The following ZDHHC3 variants were observed in gnomAD, a reference collection of about 807,000 sequenced individuals.
ZDHHC3 encodes the protein palmitoyltransferase ZDHHC3.
ZDHHC3 carries 9 observed loss-of-function variants against 30.6 expected under a neutral mutation model. That is an observed-to-expected ratio of 0.29 (90% CI 0.18 to 0.51). ZDHHC3 has a LOEUF of 0.51. Ranked by LOEUF, ZDHHC3 falls within the 20% of genes least tolerant of loss-of-function variation. The probability of loss-of-function intolerance (pLI) is 0.97; values close to 1 mark genes in which losing one functional copy is unlikely to be tolerated. For synonymous variants in ZDHHC3, 136 were observed against 140.2 expected (o/e 0.97, Z 0.21); for missense variants, 246 against 384.2 (o/e 0.64, Z 3.01).
rs1046062916 is a variant in ZDHHC3 at position 44,926,421 on chromosome 3, C to T, written c.*268G>A. 4 of 1,185,696 alleles carry T rather than the reference C, an allele frequency of 3.4e-6. No homozygotes were observed. Among genetic ancestry groups the T allele is most frequent in the Non-Finnish European group, 4.2e-6 (4 of 958,226 alleles). The allele number at this position is 1,185,696 out of a possible 1,614,324, so 73.4% of individuals were successfully genotyped here. ...TACATTAGTCATGCCAGACAGACAG[C>T]AGAGAGAAACCAGAGGCCAGAGAAG... On this transcript the variant is annotated 3_prime_UTR_variant, in exon 7 of 7. Coordinates refer to ENST00000424952, the MANE Select transcript of ZDHHC3 (RefSeq NM_001135179.2).
intron 2 of ZDHHC3, 36 bp from the exon 3 acceptor site, chr3:44,945,328 G>C: frequency 4.3e-6 from 7 of 1,613,798 alleles, no homozygotes; most frequent in Non-Finnish European, 5.9e-6. Context: ...GGTTGGGCTG[G>C]GGGTTCTATC....
Position 44,921,044 on chromosome 3 carries a change from C to T in ZDHHC3, c.*5645G>A. 1 of 985,438 alleles carries T rather than the reference C, an allele frequency of 1.0e-6. No homozygotes were observed. Among genetic ancestry groups the T allele is most frequent in the Non-Finnish European group, 1.2e-6 (1 of 829,942 alleles). The allele number at this position is 985,438 out of a possible 1,614,324, so 61.0% of individuals were successfully genotyped here. A position where few individuals can be genotyped will look rare whatever the true frequency, so the allele number is the denominator to read the frequency against. On this transcript the variant is annotated 3_prime_UTR_variant, in exon 7 of 7. Coordinates refer to ENST00000424952, the MANE Select transcript of ZDHHC3 (RefSeq NM_001135179.2). ...TGCAGAGGAGCAGTAATAGTAGCTTCAGGCTCAAGAGAACGAACAAAAATG... is the reference window on the plus strand; with the variant it reads ...TGCAGAGGAGCAGTAATAGTAGCTTTAGGCTCAAGAGAACGAACAAAAATG...
intron 2 of ZDHHC3, among the ~76,000 whole-genome samples, chr3:44,952,443 C>A (rs1396558118): frequency 6.6e-6 from 1 of 152,212 alleles, no homozygotes; most frequent in Non-Finnish European, 1.5e-5. Flanking sequence ...TTTCTCCCAA[C>A]TAATTTCCAG....
rs1700167358 is a variant in ZDHHC3, at chr3:44,916,397, C to T, written c.*10292G>A. ...TTTTCTTTCTCACGGTCGCCAGTTTCCTTTCTCAGCATCCTGAGGCTGCAC... is the reference window on the plus strand; with the variant it reads ...TTTTCTTTCTCACGGTCGCCAGTTTTCTTTCTCAGCATCCTGAGGCTGCAC... On this transcript the variant is annotated 3_prime_UTR_variant, in exon 7 of 7. Coordinates refer to ENST00000424952, the MANE Select transcript of ZDHHC3 (RefSeq NM_001135179.2). 6.6e-6 allele frequency: 1 copy of T among 152,278 alleles called. No individual in the cohort carries two copies. The highest frequency in any genetic ancestry group is 6.5e-5 in the Admixed American group (1 of 15,286). The allele number at this position is 152,278 out of a possible 1,614,324, so 9.4% of individuals were successfully genotyped here. A position where few individuals can be genotyped will look rare whatever the true frequency, so the allele number is the denominator to read the frequency against.
intron 2 of ZDHHC3, among the ~76,000 whole-genome samples, chr3:44,954,144 T>C (rs74521734): frequency 0.034 from 5,126 of 152,108 alleles, 246 homozygotes; most frequent in African/African-American, 0.11. Flanking sequence ...CCGGTAGTGG[T>C]CTGAGATAGT....
intron 2 of ZDHHC3, 134 bp from the exon 3 acceptor site, chr3:44,945,426 T>C: frequency 7.8e-7 from 1 of 1,288,888 alleles, no homozygotes; most frequent in Non-Finnish European, 1.1e-6. Context: ...CAACAACATG[T>C]GGACTCTGTG....
At chr3:44,941,636 T>G (rs1480319203) in intron 3 of ZDHHC3, among the ~76,000 whole-genome samples, 1 of 151,798 alleles carries the variant, frequency 6.6e-6, no homozygotes, top group Admixed American at 6.6e-5. Context: ...GGTCTCTCCC[T>G]CCTCATGCAG....
At chr3:44,931,795 T>C (rs1260751260) in intron 5 of ZDHHC3, among the ~76,000 whole-genome samples, 2 of 152,222 alleles carry the variant, frequency 1.3e-5, no homozygotes, top group South Asian at 2.1e-4. Flanking sequence ...ACCCTCTTGT[T>C]AGCTGAGTGA....
intron 2 of ZDHHC3, among the ~76,000 whole-genome samples, chr3:44,952,111 C>G (rs1021719525): frequency 6.6e-6 from 1 of 152,210 alleles, no homozygotes; most frequent in Non-Finnish European, 1.5e-5. Context: ...GCACTGTGCA[C>G]AGCTAAAACG....
At chr3:44,935,603 C>T (rs1445074360) in intron 3 of ZDHHC3, among the ~76,000 whole-genome samples, 1 of 152,192 alleles carries the variant, frequency 6.6e-6, no homozygotes, top group Non-Finnish European at 1.5e-5. Flanking sequence ...GGGCTCTAGA[C>T]TGATGCCAAG....
Position 44,922,456 on chromosome 3 carries a change from C to G in ZDHHC3, c.*4233G>C. 2 of 985,424 alleles carry G rather than the reference C, an allele frequency of 2.0e-6. No individual in the cohort carries two copies. Among genetic ancestry groups the G allele is most frequent in the Non-Finnish European group, 2.4e-6 (2 of 829,938 alleles). 61.0% of individuals were successfully genotyped at this position (985,424 alleles called of 1,614,324 possible). A position where few individuals can be genotyped will look rare whatever the true frequency, so the allele number is the denominator to read the frequency against. On this transcript the variant is annotated 3_prime_UTR_variant, in exon 7 of 7. Transcript: ENST00000424952. ...GCTAATAATTTGGATCTGCTTCATACAGACTTTCTTTGATGTCTTGGCAGT... is the reference window on the plus strand; with the variant it reads ...GCTAATAATTTGGATCTGCTTCATAGAGACTTTCTTTGATGTCTTGGCAGT...
chr3:44,946,782 C>A (rs1395644379), intron 2 of ZDHHC3, among the ~76,000 whole-genome samples: 1 of 152,128 alleles, frequency 6.6e-6, no homozygotes, highest in East Asian at 1.9e-4. Flanking sequence ...TATCAGTGTG[C>A]TGAACTGTGC....
chr3:44,970,187 C>A (rs1705293975), intron 1 of ZDHHC3, among the ~76,000 whole-genome samples: 2 of 152,236 alleles, frequency 1.3e-5, no homozygotes, highest in Admixed American at 1.3e-4. Flanking sequence ...GCTGGTATCA[C>A]TTATTCCAGG....
intron 1 of ZDHHC3, among the ~76,000 whole-genome samples, chr3:44,972,953 C>T (rs1705526764): frequency 2.0e-5 from 3 of 152,190 alleles, no homozygotes; most frequent in Admixed American, 2.0e-4. Context: ...ATCTATCAGC[C>T]ATCTTTGCCA....
At position 44,926,796 on chromosome 3, in the gene ZDHHC3, A is replaced by G; in HGVS notation, c.793T>C (p.Trp265Arg). 1.2e-6 allele frequency: 2 copies of G among 1,613,256 alleles called. No individual in the cohort carries two copies. Among genetic ancestry groups the G allele is most frequent in the South Asian group, 1.1e-5 (1 of 90,906 alleles). ...CCAAAAACGGCTTTCATGTTCATCC[A>G]TTTTGTTTTTTTAGCCCATCTTCTC... ...EERRWAKKTK[W>R]MNMKAVFGHP... The change falls in exon 7 of 7, where the codon TGG (tryptophan) becomes CGG (arginine). Residue 265 changes from tryptophan (W) to arginine (R), a missense_variant. Trp to Arg is a moderately radical substitution (Grantham distance 101). Coordinates refer to ENST00000424952, the MANE Select transcript of ZDHHC3 (RefSeq NM_001135179.2).
intron 2 of ZDHHC3, among the ~76,000 whole-genome samples, chr3:44,955,457 T>TTATATATATA (rs150337679): frequency 5.3e-4 from 76 of 143,962 alleles, no homozygotes; most frequent in African/African-American, 1.9e-3. Flanking sequence ...CACAAGGTTT[T>TTATATATATA]TATATATATA....
chr3:44,926,063 C>A lies in ZDHHC3; in HGVS notation c.*626G>T, dbSNP rs144350907. ...TTTCATCTTTCTCCCCACTCCCCCG[C>A]AAAATCATTCTACACACCCCAAGCC... is the stretch of plus-strand genomic sequence containing the variant. On this transcript the variant is annotated 3_prime_UTR_variant, in exon 7 of 7. Transcript: ENST00000424952. 3.7e-4 allele frequency: 364 copies of A among 985,870 alleles called. 6 individuals carry two copies. In the East Asian group the frequency reaches 0.014, roughly 37 times the overall value. The allele number at this position is 985,870 out of a possible 1,614,324, so 61.1% of individuals were successfully genotyped here. A position where few individuals can be genotyped will look rare whatever the true frequency, so the allele number is the denominator to read the frequency against.
In ZDHHC3 at chr3:44,921,749, G is replaced by T. The variant is rs995037084; in HGVS notation, c.*4940C>A. 34 of 964,822 alleles carry T rather than the reference G, an allele frequency of 3.5e-5. No individual in the cohort carries two copies. The African/African-American group carries it at 5.6e-4, about 16-fold the overall frequency. The allele number at this position is 964,822 out of a possible 1,614,324, so 59.8% of individuals were successfully genotyped here. ...AGGCTTAAAGAAGTTACTGCTCAAG[G>T]TCATATTTTGGTAGTAGGTGCGGTA... On this transcript the variant is annotated 3_prime_UTR_variant, in exon 7 of 7. Coordinates refer to ENST00000424952, the MANE Select transcript of ZDHHC3 (RefSeq NM_001135179.2).
intron 2 of ZDHHC3, among the ~76,000 whole-genome samples, chr3:44,945,697 A>G (rs936010268): frequency 7.9e-5 from 12 of 151,944 alleles, no homozygotes; most frequent in South Asian, 4.2e-4. Context: ...AGCTTGGATT[A>G]TAGGTGCTCG....
Sources: gnomAD v4.1 joint callset for allele counts (sites outside exome capture counted in the v4.1 genomes callset) on GRCh38, gnomAD v4.1.1 for gene constraint, MANE v1.5 for transcripts, NCBI Gene and HGNC (gene_info 2026-07-23, HGNC 2026-07-21) for gene names.